Variants in NRP2 observed in about 807,000 individuals in gnomAD.
NRP2 encodes the protein neuropilin 2, also known as neuropilin-2.
In NRP2, 52 loss-of-function variants were observed where a neutral mutation model predicts 110.4. The ratio of observed to expected loss-of-function variants is 0.47; its 90% CI spans 0.38 to 0.59. The LOEUF is 0.59. Ranked by LOEUF, NRP2 falls within the 20% of genes least tolerant of loss-of-function variation. NRP2 has a pLI of 0.00. For missense variants in NRP2, 1,049 were observed against 1,203.0 expected, an observed-to-expected ratio of 0.87 and a Z score of 1.89; for synonymous variants, 508 against 468.9, an observed-to-expected ratio of 1.08 and a Z score of -1.08.
In NRP2 at chr2:205,733,927, G is replaced by A. The variant is rs1015255088; in HGVS notation, c.1146+5881G>A. ...TCGATGGGGGTAACATAATCCCGCA[G>A]TAAATCTAGCGGGCCCCGCAGGCCC... is the stretch of plus-strand genomic sequence containing the variant. On this transcript the variant is annotated intron_variant, in intron 7 of 16. Transcript: ENST00000357785. Among the ~76,000 whole-genome samples the A allele has an allele frequency of 1.6e-4, 25 of 152,180 alleles. No homozygotes were observed. The East Asian group carries it at 4.7e-3, about 28-fold the overall frequency.
intron 2 of NRP2, 126 bp from the exon 3 acceptor site, chr2:205,716,067 C>T (rs1233739722): frequency 3.0e-6 from 3 of 1,015,456 alleles, no homozygotes; most frequent in African/African-American, 1.6e-5. Context: ...CATAAGTGCC[C>T]TTCGCTTATC....
At chr2:205,698,674 T>C (rs1314713754) in intron 2 of NRP2, among the ~76,000 whole-genome samples, 1 of 152,212 alleles carries the variant, frequency 6.6e-6, no homozygotes, top group Non-Finnish European at 1.5e-5. Flanking sequence ...TCTTTTCTCA[T>C]TGGAAATAAA....
At chr2:205,775,820 T>C (rs1319139089) in intron 15 of NRP2, among the ~76,000 whole-genome samples, 1 of 152,182 alleles carries the variant, frequency 6.6e-6, no homozygotes, top group Non-Finnish European at 1.5e-5. Context: ...TATTTGTGTA[T>C]GTGTATGTGT....
chr2:205,729,374 T>G (rs2057192024), intron 7 of NRP2, among the ~76,000 whole-genome samples: 1 of 152,226 alleles, frequency 6.6e-6, no homozygotes, highest in Non-Finnish European at 1.5e-5. Flanking sequence ...AGGTCTGGTT[T>G]CCCACTGACT....
intron 15 of NRP2, among the ~76,000 whole-genome samples, chr2:205,775,614 G>A (rs900249272): frequency 5.3e-5 from 8 of 152,194 alleles, no homozygotes; most frequent in African/African-American, 1.9e-4. Flanking sequence ...GACCTGTCTA[G>A]GCAAGACCAG....
chr2:205,760,206 T>TC (rs2057799366), intron 12 of NRP2, among the ~76,000 whole-genome samples: 1 of 152,140 alleles, frequency 6.6e-6, no homozygotes, highest in Non-Finnish European at 1.5e-5. Flanking sequence ...TTCATTCCTT[T>TC]CCCCCTGCTC....
intron 15 of NRP2, 171 bp downstream of exon 15, chr2:205,766,974 G>C (rs1021000383): frequency 1.5e-6 from 1 of 653,172 alleles, no homozygotes; most frequent in Non-Finnish European, 2.7e-6. Context: ...CTGTAGATGC[G>C]GGAAGGGGAT....
At chr2:205,724,654 CTTTTTTTTTT>C (rs35094496) in intron 5 of NRP2, among the ~76,000 whole-genome samples, 2 of 80,348 alleles carry the variant, frequency 2.5e-5, no homozygotes, top group Non-Finnish European at 4.7e-5. Flanking sequence ...CAAACGATAA[CTTTTTTTTTT>C]TTTTTTTTTT....
In NRP2 at chr2:205,766,785, C is replaced by T. The variant is rs1366664314; in HGVS notation, c.2407C>T (p.Pro803Ser). 3.7e-6 allele frequency: 6 copies of T among 1,612,800 alleles called. No individual in the cohort carries two copies. The highest frequency in any genetic ancestry group is 5.1e-6 in the Non-Finnish European group (6 of 1,179,810). ...AATTTTTTGTTTGTTTTTTTCAGAA[C>T]CCATCTCGGCTTTTGCAGGTGAGAA... ...TDVPLENCME[P>S]ISAFAVDIPE... Residue 803 changes from proline (P) to serine (S), a missense_variant and splice_region_variant, in exon 15 of 17, where the codon CCC becomes TCC. Transcript: ENST00000357785.
At chr2:205,734,383 C>A (rs549253358) in intron 7 of NRP2, among the ~76,000 whole-genome samples, 53 of 150,174 alleles carry the variant, frequency 3.5e-4, no homozygotes, top group African/African-American at 1.3e-3. Flanking sequence ...CCATTGCCTT[C>A]ATATCATTTC....
intron 7 of NRP2, among the ~76,000 whole-genome samples, chr2:205,728,517 T>C (rs849525): frequency 0.45 from 68,826 of 152,126 alleles, 18,544 homozygotes; most frequent in East Asian, 0.81. Context: ...CAATAAATAA[T>C]GAGGAGAAAT....
intron 9 of NRP2, among the ~76,000 whole-genome samples, chr2:205,744,434 A>T (rs2057501358): frequency 6.6e-6 from 1 of 152,214 alleles, no homozygotes; most frequent in African/African-American, 2.4e-5. Context: ...CCGGCCTCTC[A>T]GACTGAGGCA....
intron 15 of NRP2, among the ~76,000 whole-genome samples, chr2:205,771,418 T>G (rs2058021869): frequency 6.6e-6 from 1 of 152,222 alleles, no homozygotes; most frequent in Non-Finnish European, 1.5e-5. Context: ...GAAATGTTCC[T>G]CCACCAGCAC....
chr2:205,770,867 A>G (rs765656827), intron 15 of NRP2, among the ~76,000 whole-genome samples: 1 of 152,090 alleles, frequency 6.6e-6, no homozygotes, highest in African/African-American at 2.4e-5. Flanking sequence ...CTTGGCGGCC[A>G]TCCTTCCCCA....
chr2:205,717,696 G>T (rs2056928014), intron 3 of NRP2, among the ~76,000 whole-genome samples: 2 of 152,226 alleles, frequency 1.3e-5, no homozygotes, highest in Non-Finnish European at 2.9e-5. Flanking sequence ...TCAAGCTGTT[G>T]TGAGGCCCCT....
At chr2:205,708,222 T>G (rs1342146997) in intron 2 of NRP2, among the ~76,000 whole-genome samples, 1 of 152,208 alleles carries the variant, frequency 6.6e-6, no homozygotes, top group Non-Finnish European at 1.5e-5. Flanking sequence ...CCAACACTCA[T>G]GCTGAAAGCA....
chr2:205,703,780 T>C (rs9636330), intron 2 of NRP2, among the ~76,000 whole-genome samples: 2,925 of 152,236 alleles, frequency 0.019, 76 homozygotes, highest in East Asian at 0.088. Context: ...GAGGGAGGGT[T>C]TGATGCCTTC....
At chr2:205,780,778 C>T (rs1484767501) in intron 15 of NRP2, among the ~76,000 whole-genome samples, 1 of 152,164 alleles carries the variant, frequency 6.6e-6, no homozygotes, top group Non-Finnish European at 1.5e-5. Context: ...AGCTGTAAAA[C>T]CTGTCCAAGT....
In NRP2 at chr2:205,794,794, C is replaced by G; in HGVS notation, c.2517C>G (p.Thr839=). 1 of 1,614,204 alleles carries G rather than the reference C, an allele frequency of 6.2e-7. No individual in the cohort carries two copies. Among genetic ancestry groups the G allele is most frequent in the Non-Finnish European group, 8.5e-7 (1 of 1,180,038 alleles). Residue 839 remains threonine (T), a synonymous_variant, in exon 17 of 17, where the codon ACC becomes ACG. Coordinates refer to ENST00000357785, the MANE Select transcript of NRP2 (RefSeq NM_003872.3). The part of the protein sequence containing the change: ...EVDWSNSSSA[T]SGSGAPSTDK... ...ACTGGAGCAATTCTTCTTCTGCAAC[C>G]TCAGGGTCTGGCGCCCCCTCGACCG...
Sources: gnomAD v4.1 joint callset for allele counts (sites outside exome capture counted in the v4.1 genomes callset) on GRCh38, gnomAD v4.1.1 for gene constraint, MANE v1.5 for transcripts, NCBI Gene and HGNC (gene_info 2026-07-23, HGNC 2026-07-21) for gene names.